BORCS5: variants seen among roughly 807,000 people sequenced by gnomAD.
BORCS5 encodes the protein BLOC-1-related complex subunit 5.
A neutral mutation model predicts 22.1 loss-of-function variants in BORCS5; 17 were observed. The observed-to-expected ratio is 0.77, with a 90% CI of 0.53 to 1.15. The LOEUF (loss-of-function observed/expected upper bound fraction) is 1.15. Among genes scored for constraint, BORCS5 ranks in the 50% most tolerant of loss-of-function variants. BORCS5 has a pLI of 0.00. For synonymous variants in BORCS5, 117 were observed against 99.8 expected, an observed-to-expected ratio of 1.17 and a Z score of -1.03; for missense variants, 247 against 253.2, an observed-to-expected ratio of 0.98 and a Z score of 0.17.
chr12:12,375,218 G>C (rs1486741125), intron 2 of BORCS5, among the ~76,000 whole-genome samples: 1 of 152,050 alleles, frequency 6.6e-6, no homozygotes, highest in African/African-American at 2.4e-5. Context: ...TTACCATGTT[G>C]GCCAAGCTGG....
At chr12:12,449,122 T>A (rs1247477255) in intron 3 of BORCS5, among the ~76,000 whole-genome samples, 1 of 152,164 alleles carries the variant, frequency 6.6e-6, no homozygotes, top group African/African-American at 2.4e-5. Flanking sequence ...AGGACTGTGG[T>A]GGTACAGAAG....
intron 1 of BORCS5, 115 bp from the exon 2 acceptor site, chr12:12,361,091 T>C (rs1863273640): frequency 1.9e-6 from 2 of 1,060,314 alleles, no homozygotes; most frequent in African/African-American, 1.6e-5. Context: ...CAACCCCAAC[T>C]GCAAGATAGC....
intron 2 of BORCS5, among the ~76,000 whole-genome samples, chr12:12,427,863 C>T (rs1057368076): frequency 6.6e-6 from 1 of 152,132 alleles, no homozygotes; most frequent in Non-Finnish European, 1.5e-5. Context: ...TGACACTAGT[C>T]CCATTCATGA....
In BORCS5 at chr12:12,414,681, G is replaced by A. The variant is rs1343850496; in HGVS notation, c.203-20947G>A. On this transcript the variant is annotated intron_variant, in intron 2 of 3. Coordinates refer to ENST00000314565, the MANE Select transcript of BORCS5 (RefSeq NM_058169.6). ...TCCCGGACGGGGCGGCTGGCCGGGCGGGGGGCTGACCCCCCCCACCTCCCT... is the reference window on the plus strand; with the variant it reads ...TCCCGGACGGGGCGGCTGGCCGGGCAGGGGGCTGACCCCCCCCACCTCCCT... Among the ~76,000 whole-genome samples, 12 of 91,478 alleles carry A rather than the reference G, an allele frequency of 1.3e-4. 1 individual carries two copies. The highest frequency in any genetic ancestry group is 2.3e-4 in the East Asian group (1 of 4,328). The allele number at this position is 91,478 out of a possible 152,430, so 60.0% of individuals were successfully genotyped here. A position where few individuals can be genotyped will look rare whatever the true frequency, so the allele number is the denominator to read the frequency against.
chr12:12,360,699 C>G (rs1031068308), intron 1 of BORCS5, among the ~76,000 whole-genome samples: 1 of 151,272 alleles, frequency 6.6e-6, no homozygotes, highest in African/African-American at 2.4e-5. Flanking sequence ...CATGAGCCAC[C>G]ACACCCAGCC....
intron 3 of BORCS5, among the ~76,000 whole-genome samples, chr12:12,448,807 G>A (rs977686345): frequency 2.6e-5 from 4 of 152,228 alleles, no homozygotes; most frequent in East Asian, 3.8e-4. Flanking sequence ...GATTACAGGC[G>A]TGAGCCACTG....
At chr12:12,456,901 A>G (rs1204944237) in intron 3 of BORCS5, among the ~76,000 whole-genome samples, 1 of 133,192 alleles carries the variant, frequency 7.5e-6, no homozygotes, top group Non-Finnish European at 1.6e-5. Flanking sequence ...GTGATTGTGT[A>G]AGCCTTGAAG....
intron 2 of BORCS5, among the ~76,000 whole-genome samples, chr12:12,393,568 G>A (rs1441200824): frequency 6.6e-6 from 1 of 151,664 alleles, no homozygotes; most frequent in Non-Finnish European, 1.5e-5. Flanking sequence ...CACTCAGGCT[G>A]GAATGCAGTG....
rs1863489703 is a variant in BORCS5, at chr12:12,369,945, G to A, written c.202+8596G>A. 2.6e-5 allele frequency among the ~76,000 whole-genome samples: 4 copies of A among 151,336 alleles called. No individual in the cohort carries two copies. In the South Asian group the frequency reaches 6.3e-4, roughly 24 times the overall value. On this transcript the variant is annotated intron_variant, in intron 2 of 3. Coordinates refer to ENST00000314565, the MANE Select transcript of BORCS5 (RefSeq NM_058169.6). ...TCACCATGTTGGTCAGGCTGGTCTCGAACTCCTGACCTCAGTTGATCTGCC... is the reference window on the plus strand; with the variant it reads ...TCACCATGTTGGTCAGGCTGGTCTCAAACTCCTGACCTCAGTTGATCTGCC...
At chr12:12,421,539 T>G (rs1054627773) in intron 2 of BORCS5, among the ~76,000 whole-genome samples, 1 of 152,198 alleles carries the variant, frequency 6.6e-6, no homozygotes, top group Non-Finnish European at 1.5e-5. Flanking sequence ...CTGCCAGGCT[T>G]TGGTATCAGG....
At chr12:12,379,089 TTTCTTTC>T (rs138886133) in intron 2 of BORCS5, among the ~76,000 whole-genome samples, 2,013 of 150,962 alleles carry the variant, frequency 0.013, 83 homozygotes, top group African/African-American at 0.044. Flanking sequence ...TTTCTATTTC[TTTCTTTC>T]TTCTTTCTTC....
chr12:12,410,729 T>A lies in BORCS5; in HGVS notation c.203-24899T>A, dbSNP rs1429868131. Among the ~76,000 whole-genome samples the A allele has an allele frequency of 1.2e-4, 19 of 152,360 alleles. No homozygotes were observed. In the East Asian group the frequency reaches 3.7e-3, roughly 29 times the overall value. On this transcript the variant is annotated intron_variant, in intron 2 of 3. Coordinates refer to ENST00000314565, the MANE Select transcript of BORCS5 (RefSeq NM_058169.6). ...ACACGGGCTCTTTTTTGGTTCCATA[T>A]GAACTTTCAAGTAGTTTTTTCCAAT...
chr12:12,405,331 T>C (rs542102665), intron 2 of BORCS5, among the ~76,000 whole-genome samples: 14 of 152,336 alleles, frequency 9.2e-5, no homozygotes, highest in Non-Finnish European at 1.5e-4. Context: ...TGCCAAATCA[T>C]TGACACTAGA....
chr12:12,429,671 C>G (rs1039363062), intron 2 of BORCS5, among the ~76,000 whole-genome samples: 4 of 152,092 alleles, frequency 2.6e-5, no homozygotes, highest in African/African-American at 9.7e-5. Flanking sequence ...CTCAAAATCC[C>G]CCTCCTACTT....
chr12:12,390,265 C>T (rs1407455576), intron 2 of BORCS5, among the ~76,000 whole-genome samples: 5 of 152,108 alleles, frequency 3.3e-5, no homozygotes, highest in South Asian at 2.1e-4. Flanking sequence ...AAAGAGCTTA[C>T]ATTCTAATAG....
chr12:12,357,647 A>T, intron 1 of BORCS5, 138 bp downstream of exon 1: 1 of 859,598 alleles, frequency 1.2e-6, no homozygotes. Context: ...AAAAAAAAAA[A>T]GTCACCATCT....
At chr12:12,431,966 T>A (rs1044231340) in intron 2 of BORCS5, among the ~76,000 whole-genome samples, 6 of 152,216 alleles carry the variant, frequency 3.9e-5, no homozygotes, top group Non-Finnish European at 7.3e-5. Context: ...AGTGCTGGAA[T>A]TATAGGCATG....
chr12:12,467,111 TA>T lies in BORCS5; in HGVS notation c.*1337del, dbSNP rs1165948639. 6.6e-6 allele frequency: 1 copy of T among 152,178 alleles called. No individual in the cohort carries two copies. The highest frequency in any genetic ancestry group is 1.9e-4 in the East Asian group (1 of 5,198). 9.4% of individuals were successfully genotyped at this position (152,178 alleles called of 1,614,324 possible). ...ATCCAGCTAATTAAAAAAAATTAAT[TA>T]ATTTTACATTTTCAAATTCAAAAGA... On this transcript the variant is annotated 3_prime_UTR_variant, in exon 4 of 4. Coordinates refer to ENST00000314565, the MANE Select transcript of BORCS5 (RefSeq NM_058169.6).
At chr12:12,369,578 A>AT (rs1384844560) in intron 2 of BORCS5, among the ~76,000 whole-genome samples, 2 of 150,798 alleles carry the variant, frequency 1.3e-5, no homozygotes, top group Non-Finnish European at 1.5e-5. Flanking sequence ...CCTTTGCATT[A>AT]TTTTTTTAGT....
Sources: allele counts gnomAD v4.1 joint callset (sites outside exome capture counted in the v4.1 genomes callset), GRCh38; gene constraint gnomAD v4.1.1; transcripts MANE v1.5; gene names NCBI Gene and HGNC (gene_info 2026-07-23, HGNC 2026-07-21).